WIPI2: variants seen among roughly 807,000 people sequenced by gnomAD.
The protein encoded by WIPI2 is WD repeat domain, phosphoinositide interacting 2, also known as WD repeat domain phosphoinositide-interacting protein 2.
A neutral mutation model predicts 52.3 loss-of-function variants in WIPI2; 28 were observed. The ratio of observed to expected loss-of-function variants is 0.54; its 90% confidence interval spans 0.40 to 0.73. The LOEUF (loss-of-function observed/expected upper bound fraction) is 0.73, where lower values mean the gene tolerates loss of function less well. Ranked by LOEUF, WIPI2 falls within the 30% of genes least tolerant of loss-of-function variation. The pLI is 0.00. For missense variants in WIPI2, 506 were observed against 602.9 expected (o/e 0.84, Z 1.68); for synonymous variants, 268 against 245.0 (o/e 1.09, Z -0.88).
In WIPI2 at chr7:5,221,852, G is replaced by A. The variant is rs112860039; in HGVS notation, c.670-750G>A. 4.4e-4 allele frequency among the ~76,000 whole-genome samples: 67 copies of A among 152,266 alleles called. 1 individual carries two copies. Among genetic ancestry groups the A allele is most frequent in the African/African-American group, 1.3e-3 (56 of 41,546 alleles). ...TCCAGCTAATCGGCTCTCTGGATCC[G>A]TAACTGAATTTAAAGTGGCAGGAAA... On this transcript the variant is annotated intron_variant, in intron 7 of 12. Transcript: ENST00000288828.
chr7:5,191,170 C>T (rs1383637284), intron 1 of WIPI2, among the ~76,000 whole-genome samples: 1 of 152,080 alleles, frequency 6.6e-6, no homozygotes, highest in East Asian at 1.9e-4. Flanking sequence ...CAGGCACGCG[C>T]CACTGTGCCC....
chr7:5,222,970 C>T (rs558187205), intron 8 of WIPI2, among the ~76,000 whole-genome samples: 4 of 152,334 alleles, frequency 2.6e-5, no homozygotes, highest in East Asian at 1.9e-4. Context: ...CTGTAAGGGA[C>T]GGGGCGGCGA....
rs143206627 is a variant in WIPI2, at chr7:5,204,891, G to A, written c.211+5233G>A. Among the ~76,000 whole-genome samples the A allele has an allele frequency of 2.5e-3, 378 of 152,244 alleles. 1 individual carries two copies. The highest frequency in any genetic ancestry group is 4.8e-3 in the Admixed American group (74 of 15,296). ...GGGTCTCACTGTGTTGCCAAGGCTG[G>A]TCTTGAACTCGTGGGCTCAGGCCAT... is the stretch of plus-strand genomic sequence containing the variant. On this transcript the variant is annotated intron_variant, in intron 3 of 12. Transcript: ENST00000288828.
At chr7:5,209,360 T>G (rs896828758) in intron 3 of WIPI2, among the ~76,000 whole-genome samples, 1 of 152,212 alleles carries the variant, frequency 6.6e-6, no homozygotes, top group African/African-American at 2.4e-5. Flanking sequence ...TTGCCTTGTT[T>G]CTAGTCTTAA....
chr7:5,229,419 C>T (rs1329923767), intron 11 of WIPI2, 189 bp from the exon 12 acceptor site: 1 of 581,786 alleles, frequency 1.7e-6, no homozygotes, highest in African/African-American at 1.9e-5. Context: ...TTTAGACTTT[C>T]CATGTAAAAC....
intron 8 of WIPI2, chr7:5,222,888 C>G (rs1473662265): frequency 2.1e-6 from 1 of 483,440 alleles, no homozygotes; most frequent in African/African-American, 2.0e-5. Context: ...GCGATCCCAC[C>G]AGCTAGCGTG....
intron 3 of WIPI2, among the ~76,000 whole-genome samples, chr7:5,210,291 A>G (rs1234404769): frequency 1.3e-5 from 2 of 152,076 alleles, no homozygotes; most frequent in African/African-American, 4.8e-5. Flanking sequence ...CTTCCTACAC[A>G]TCTCCATCAA....
Position 5,224,711 on chromosome 7 carries a change from C to A in WIPI2, c.741-1112C>A, listed in dbSNP as rs145938553. ...AGATCAGATGAGCCAGTTCATTGAT[C>A]TGTGTGGGGCCGCCGGATCCATCAA... On this transcript the variant is annotated intron_variant, in intron 8 of 12. Transcript: ENST00000288828. Among the ~76,000 whole-genome samples the A allele has an allele frequency of 3.8e-3, 581 of 152,318 alleles. 2 individuals are homozygous for A. Among genetic ancestry groups the A allele is most frequent in the Middle Eastern group, 0.014 (4 of 294 alleles).
intron 3 of WIPI2, among the ~76,000 whole-genome samples, chr7:5,206,636 G>A (rs1782308071): frequency 6.6e-6 from 1 of 152,110 alleles, no homozygotes; most frequent in African/African-American, 2.4e-5. Flanking sequence ...TTTTATTAAA[G>A]GAAATTTTCA....
intron 3 of WIPI2, among the ~76,000 whole-genome samples, chr7:5,206,265 G>T (rs998632502): frequency 6.6e-6 from 1 of 152,130 alleles, no homozygotes; most frequent in African/African-American, 2.4e-5. Flanking sequence ...AAGGATGCTT[G>T]CCTGTGTCCT....
intron 12 of WIPI2, among the ~76,000 whole-genome samples, 191 bp downstream of exon 12, chr7:5,229,929 C>CT (rs548650698): frequency 0.059 from 8,148 of 137,882 alleles, 266 homozygotes; most frequent in Non-Finnish European, 0.067. Flanking sequence ...GTTTCGTTTC[C>CT]TTTTTTTTTT....
At position 5,227,825 on chromosome 7, in the gene WIPI2, A is replaced by G. The variant is rs1783512958; in HGVS notation, c.1014-279A>G. 1.3e-5 allele frequency among the ~76,000 whole-genome samples: 2 copies of G among 152,138 alleles called. No homozygotes were observed. Among genetic ancestry groups the G allele is most frequent in the African/African-American group, 2.4e-5 (1 of 41,432 alleles). On this transcript the variant is annotated intron_variant, in intron 10 of 12. Transcript: ENST00000288828. The surrounding 1 kb of genome is among the most constrained non-coding windows in gnomAD (Gnocchi z 8.1). The stretch of plus-strand genomic sequence containing the variant: ...TTTCCAGTTTTGTTATCTGACTAGC[A>G]TCCTGGAAAACTTCTCTGACGATGA...
intron 3 of WIPI2, among the ~76,000 whole-genome samples, chr7:5,208,804 G>C (rs1220207362): frequency 1.3e-5 from 2 of 152,060 alleles, no homozygotes; most frequent in East Asian, 1.9e-4. Context: ...TTTCAGGATA[G>C]CTTTGCATTT....
intron 3 of WIPI2, among the ~76,000 whole-genome samples, chr7:5,199,876 G>A (rs1053266293): frequency 2.6e-5 from 4 of 152,174 alleles, no homozygotes; most frequent in East Asian, 1.9e-4. Context: ...GGCAGGTACC[G>A]AGGGAGCTCT....
chr7:5,191,990 G>C lies in WIPI2; in HGVS notation c.75-1128G>C, dbSNP rs188698912. Among the ~76,000 whole-genome samples the C allele has an allele frequency of 2.4e-3, 363 of 152,238 alleles. 2 individuals carry two copies. The highest frequency in any genetic ancestry group is 8.5e-3 in the African/African-American group (353 of 41,536). ...TTTTGGAATTGGTTAATAGTGGAGC[G>C]GGGGCAGGAGTGGAATCTCGCCTCC... On this transcript the variant is annotated intron_variant, in intron 1 of 12. Transcript: ENST00000288828.
chr7:5,203,342 C>T (rs1583551309), intron 3 of WIPI2, among the ~76,000 whole-genome samples: 1 of 152,172 alleles, frequency 6.6e-6, no homozygotes, highest in Admixed American at 6.5e-5. Context: ...TGCATCCTGG[C>T]GGAGCCGCAG....
At position 5,216,601 on chromosome 7, in the gene WIPI2, C is replaced by T. The variant is rs370100148; in HGVS notation, c.420C>T (p.His140=). 5.8e-5 allele frequency: 94 copies of T among 1,614,174 alleles called. No homozygotes were observed. The Middle Eastern group carries it at 3.3e-3, about 57-fold the overall frequency. Residue 140 remains histidine (H), a synonymous_variant, in exon 5 of 13, where the codon CAC becomes CAT. Transcript: ENST00000288828. ...GCCTGGAGGAGTCCCTGTACATCCA[C>T]AACATTCGGGACATGAAGGTGCTGC... ...IVCLEESLYI[H]NIRDMKVLHT...
At chr7:5,190,960 C>T (rs913005789) in intron 1 of WIPI2, 3 of 156,542 alleles carry the variant, frequency 1.9e-5, no homozygotes, top group Non-Finnish European at 4.2e-5. Flanking sequence ...TAAGACCCTT[C>T]TCTCTCTCTT....
At chr7:5,197,111 C>CAAAAAAAAAAAAAAAAAAAAAAAA (rs1562384541) in intron 2 of WIPI2, among the ~76,000 whole-genome samples, 2 of 56,428 alleles carry the variant, frequency 3.5e-5, no homozygotes, top group Non-Finnish European at 2.9e-5. Context: ...GACTCCGTCT[C>CAAAAAAAAAAAAAAAAAAAAAAAA]AAAAAACAAA....
Sources: allele counts gnomAD v4.1 joint callset (sites outside exome capture counted in the v4.1 genomes callset), GRCh38; gene constraint gnomAD v4.1.1; non-coding constraint Gnocchi (gnomAD v3.1); transcripts MANE v1.5; gene names NCBI Gene and HGNC (gene_info 2026-07-23, HGNC 2026-07-21).